Variants in AUTS2 observed in about 807,000 individuals in gnomAD.
The protein encoded by AUTS2 is activator of transcription and developmental regulator AUTS2.
AUTS2 carries 17 observed loss-of-function variants against 112.4 expected under a neutral mutation model. The observed-to-expected ratio is 0.15, with a 90% CI of 0.10 to 0.23. The LOEUF (loss-of-function observed/expected upper bound fraction) is 0.23, where lower values mean the gene tolerates loss of function less well. Ranked by LOEUF, AUTS2 falls within the 10% of genes least tolerant of loss-of-function variation. AUTS2 has a pLI of 1.00. For missense variants in AUTS2, 1,510 were observed against 1,701.6 expected (o/e 0.89, Z 1.98); for synonymous variants, 751 against 702.7 (o/e 1.07, Z -1.09).
chr7:70,655,772 G>C (rs1031308433), intron 5 of AUTS2, among the ~76,000 whole-genome samples: 9 of 152,180 alleles, frequency 5.9e-5, no homozygotes, highest in African/African-American at 2.2e-4. Flanking sequence ...AAGAGAAAGG[G>C]ATGGCTACTG....
chr7:69,893,122 A>G (rs1404672976), intron 1 of AUTS2, among the ~76,000 whole-genome samples: 2 of 152,228 alleles, frequency 1.3e-5, no homozygotes, highest in African/African-American at 2.4e-5. Flanking sequence ...ACAGATGGCA[A>G]TGTGTATGCA....
chr7:69,836,014 C>T (rs1791706787), intron 1 of AUTS2, among the ~76,000 whole-genome samples: 1 of 152,176 alleles, frequency 6.6e-6, no homozygotes, highest in South Asian at 2.1e-4. Flanking sequence ...TGGAGGGACT[C>T]AGCAGAAGCC....
chr7:70,504,643 A>G (rs1318015965), intron 5 of AUTS2, among the ~76,000 whole-genome samples: 2 of 152,160 alleles, frequency 1.3e-5, no homozygotes, highest in East Asian at 3.8e-4. Context: ...CTCCTTTGAT[A>G]TATTAAGTGG....
chr7:70,019,769 G>C (rs145415006), intron 2 of AUTS2, among the ~76,000 whole-genome samples: 1 of 152,234 alleles, frequency 6.6e-6, no homozygotes, highest in East Asian at 1.9e-4. Flanking sequence ...ATGTTCATTG[G>C]ATATTATCTA....
At chr7:70,656,954 GAAC>G (rs1244524490) in intron 5 of AUTS2, among the ~76,000 whole-genome samples, 1 of 152,188 alleles carries the variant, frequency 6.6e-6, no homozygotes, top group Non-Finnish European at 1.5e-5. Flanking sequence ...AAAAATCCCA[GAAC>G]AACCCCAGCA....
chr7:69,642,183 T>G (rs1794826369), intron 1 of AUTS2, among the ~76,000 whole-genome samples: 1 of 152,194 alleles, frequency 6.6e-6, no homozygotes, highest in South Asian at 2.1e-4. Flanking sequence ...TTCATTTAGT[T>G]TTTTTCTCCT....
intron 2 of AUTS2, among the ~76,000 whole-genome samples, chr7:70,034,460 G>GA (rs1481686656): frequency 6.6e-6 from 1 of 152,172 alleles, no homozygotes; most frequent in East Asian, 1.9e-4. Context: ...AGGAAGGAAG[G>GA]AGTAGAGTGA....
At chr7:70,257,884 T>C (rs1157538674) in intron 4 of AUTS2, among the ~76,000 whole-genome samples, 1 of 152,138 alleles carries the variant, frequency 6.6e-6, no homozygotes, top group East Asian at 1.9e-4. Flanking sequence ...AACACAAAAG[T>C]GGGCAGAGGT....
intron 4 of AUTS2, among the ~76,000 whole-genome samples, chr7:70,321,170 T>A (rs1467647578): frequency 6.6e-6 from 1 of 152,108 alleles, no homozygotes; most frequent in Non-Finnish European, 1.5e-5. Flanking sequence ...ATCTGAGGAG[T>A]GAAGAGGTCA....
intron 2 of AUTS2, among the ~76,000 whole-genome samples, chr7:69,923,522 TA>T (rs1189130843): frequency 6.6e-6 from 1 of 152,206 alleles, no homozygotes; most frequent in Non-Finnish European, 1.5e-5. Flanking sequence ...TGGTTGAGAT[TA>T]TATTGATCGT....
In AUTS2 at chr7:70,217,693, C is replaced by G. The variant is rs532608263; in HGVS notation, c.660+83122C>G. Among the ~76,000 whole-genome samples the G allele has an allele frequency of 5.9e-5, 9 of 152,194 alleles. No individual in the cohort carries two copies. In the South Asian group the frequency reaches 1.9e-3, roughly 32 times the overall value. On this transcript the variant is annotated intron_variant, in intron 4 of 18. Transcript: ENST00000342771. Reference sequence around the variant, plus strand: ...CCAGGGCAGGAGAAGTATGATTTTTCTGTGGTGATGTTTCAGTTTTCAACT... The same window carrying G: ...CCAGGGCAGGAGAAGTATGATTTTTGTGTGGTGATGTTTCAGTTTTCAACT...
chr7:70,045,546 C>G (rs12667561), intron 2 of AUTS2, among the ~76,000 whole-genome samples: 38,259 of 151,174 alleles, frequency 0.25, 4,834 homozygotes, highest in Middle Eastern at 0.34. Context: ...CCTAGAAAAA[C>G]CTTAAAATTG....
intron 5 of AUTS2, among the ~76,000 whole-genome samples, chr7:70,525,409 GTTGAATGA>G (rs1799800832): frequency 7.4e-6 from 1 of 134,682 alleles, no homozygotes. Context: ...ATGTATATTT[GTTGAATGA>G]ATGAATGAAT....
chr7:70,053,544 G>GTTTTTTTTTTTTTTTTTTT lies in AUTS2; in HGVS notation c.523-64576_523-64575insTTTTTTTTTTTTTTTTTTT, dbSNP rs200867539. On this transcript the variant is annotated intron_variant, in intron 2 of 18. Coordinates refer to ENST00000342771, the MANE Select transcript of AUTS2 (RefSeq NM_015570.4). ...ATTGTGGCAACCACTGTTTTGGGTG[G>GTTTTTTTTTTTTTTTTTTT]TTTTTTTTTTTTGGAGACAGGATCT... Among the ~76,000 whole-genome samples the GTTTTTTTTTTTTTTTTTTT allele has an allele frequency of 3.8e-4, 49 of 127,818 alleles. 3 individuals carry two copies. The highest frequency in any genetic ancestry group is 8.7e-4 in the African/African-American group (28 of 32,334). The allele number at this position is 127,818 out of a possible 152,430, so 83.9% of individuals were successfully genotyped here.
intron 5 of AUTS2, among the ~76,000 whole-genome samples, chr7:70,575,971 C>T (rs186818133): frequency 4.5e-4 from 68 of 152,160 alleles, no homozygotes; most frequent in Admixed American, 1.6e-3. Context: ...ATGGCTGTCC[C>T]CAGGTAGTTG....
rs1465167882 is a variant in AUTS2, at chr7:69,804,242, CCATAACACA to C, written c.310-95039_310-95031del. Among the ~76,000 whole-genome samples the C allele has an allele frequency of 2.0e-5, 3 of 152,102 alleles. No homozygotes were observed. The East Asian group carries it at 5.8e-4, about 29-fold the overall frequency. On this transcript the variant is annotated intron_variant, in intron 1 of 18. Coordinates refer to ENST00000342771, the MANE Select transcript of AUTS2 (RefSeq NM_015570.4). ...TGTTGCTGGGGGAGTGGGTGTGAAA[CCATAACACA>C]CATATATGGTCACGTACACATCTGT...
intron 1 of AUTS2, among the ~76,000 whole-genome samples, chr7:69,677,426 T>C (rs896054727): frequency 2.0e-5 from 3 of 152,230 alleles, no homozygotes; most frequent in Non-Finnish European, 4.4e-5. Context: ...TGTAAAACTA[T>C]AGTGCTTAAC....
chr7:70,535,707 G>A (rs904646349), intron 5 of AUTS2, among the ~76,000 whole-genome samples: 14 of 152,162 alleles, frequency 9.2e-5, no homozygotes, highest in African/African-American at 2.9e-4. Flanking sequence ...GAGCCACTGC[G>A]CCCAGCCTGT....
intron 15 of AUTS2, chr7:70,784,372 A>G (rs12698936): frequency 0.18 from 27,315 of 152,426 alleles, 2,915 homozygotes; most frequent in East Asian, 0.38. Context: ...CCTGAGCCAG[A>G]GATGATAACG....
Sources: gnomAD v4.1 joint callset for allele counts (sites outside exome capture counted in the v4.1 genomes callset) on GRCh38, gnomAD v4.1.1 for gene constraint, MANE v1.5 for transcripts, NCBI Gene and HGNC (gene_info 2026-07-23, HGNC 2026-07-21) for gene names.